The following TUSC3 variants were observed in gnomAD, a reference collection of about 807,000 sequenced individuals.
TUSC3 encodes tumor suppressor candidate 3.
TUSC3 carries 45 observed loss-of-function variants against 44.8 expected under a neutral mutation model. That is an observed-to-expected ratio of 1.00 (90% CI 0.79 to 1.29). The LOEUF is 1.29. Ranked by LOEUF, TUSC3 falls within the 50% of genes most tolerant of loss-of-function variation. TUSC3 has a pLI of 0.00. For missense variants in TUSC3, 519 were observed against 437.9 expected (o/e 1.19, Z -1.65); for synonymous variants, 212 against 152.9 (o/e 1.39, Z -2.85).
chr8:15,576,431 G>T, intron 1 of TUSC3, among the ~76,000 whole-genome samples: 1 of 147,258 alleles, frequency 6.8e-6, no homozygotes. Context: ...TCTAGCATTA[G>T]GTATATCTCC....
rs972563196 is a variant in TUSC3 at position 15,517,495 on chromosome 8, G to A, written n.189+34012G>A. 4.1e-5 allele frequency among the ~76,000 whole-genome samples: 5 copies of A among 121,646 alleles called. No homozygotes were observed. In the East Asian group the frequency reaches 8.6e-4, roughly 21 times the overall value. 79.8% of individuals were successfully genotyped at this position (121,646 alleles called of 152,430 possible). A position where few individuals can be genotyped will look rare whatever the true frequency, so the allele number is the denominator to read the frequency against. ...AATGACTGAAAATCTAAATGCTTGTGAGAGCTTCCTAACATTTAGCGTGAG... is the reference window on the plus strand; with the variant it reads ...AATGACTGAAAATCTAAATGCTTGTAAGAGCTTCCTAACATTTAGCGTGAG... On this transcript the variant is annotated intron_variant and non_coding_transcript_variant, in intron 2 of 5. Transcript: ENST00000503191.
the TUSC3 span, among the ~76,000 whole-genome samples, chr8:15,772,522 TAAA>T: frequency 2.0e-5 from 3 of 152,126 alleles, no homozygotes; most frequent in Non-Finnish European, 4.4e-5. Flanking sequence ...AACTGGTTAT[TAAA>T]AACCTCCCAA....
intron 2 of TUSC3, among the ~76,000 whole-genome samples, chr8:15,649,537 T>G (rs1306305713): frequency 1.3e-5 from 2 of 150,010 alleles, no homozygotes; most frequent in Admixed American, 6.7e-5. Flanking sequence ...TGAGCCGAGA[T>G]CGCGCCACTG....
chr8:15,534,701 A>G (rs1175257902), intron 2 of TUSC3, among the ~76,000 whole-genome samples: 1 of 152,108 alleles, frequency 6.6e-6, no homozygotes, highest in Non-Finnish European at 1.5e-5. Flanking sequence ...TAATTGAGCA[A>G]TGAACGATTC....
chr8:15,761,831 G>A lies in TUSC3; in HGVS notation c.*47-2372G>A, dbSNP rs561264393. Reference sequence around the variant, plus strand: ...AGGCATTTATACATTTTTGTGATAGGCATTATTAGAAAAAACAATATCCAG... The same window carrying A: ...AGGCATTTATACATTTTTGTGATAGACATTATTAGAAAAAACAATATCCAG... On this transcript the variant is annotated intron_variant, in intron 10 of 10. Transcript: ENST00000503731. Among the ~76,000 whole-genome samples, 13 of 152,132 alleles carry A rather than the reference G, an allele frequency of 8.5e-5. 1 individual carries two copies. In the South Asian group the frequency reaches 2.7e-3, roughly 32 times the overall value.
At chr8:15,531,834 T>C (rs1032766431) in intron 2 of TUSC3, among the ~76,000 whole-genome samples, 1 of 152,206 alleles carries the variant, frequency 6.6e-6, no homozygotes, top group Non-Finnish European at 1.5e-5. Flanking sequence ...TTCCTAGAGA[T>C]AATCTGGAAT....
At chr8:15,772,056 T>G in the TUSC3 span, among the ~76,000 whole-genome samples, 1 of 151,922 alleles carries the variant, frequency 6.6e-6, no homozygotes, top group Non-Finnish European at 1.5e-5. Flanking sequence ...GCCACTGCAC[T>G]CTAGCCTGGG....
chr8:15,717,060 T>C (rs950855877), intron 6 of TUSC3, among the ~76,000 whole-genome samples: 3 of 152,070 alleles, frequency 2.0e-5, no homozygotes, highest in African/African-American at 7.2e-5. Context: ...ACTAATATCA[T>C]TTTCCCTACA....
At chr8:15,756,857 A>G (rs1270887017) in intron 9 of TUSC3, among the ~76,000 whole-genome samples, 1 of 152,230 alleles carries the variant, frequency 6.6e-6, no homozygotes, top group Non-Finnish European at 1.5e-5. Flanking sequence ...AAAGCTAACT[A>G]TCATGGCTGG....
At chr8:15,652,592 CATA>C (rs1806962076) in intron 3 of TUSC3, among the ~76,000 whole-genome samples, 1 of 151,984 alleles carries the variant, frequency 6.6e-6, no homozygotes, top group Non-Finnish European at 1.5e-5. Flanking sequence ...ATAATAGTAT[CATA>C]ATAAAACATA....
chr8:15,763,809 C>G (rs1333995164), intron 10 of TUSC3, among the ~76,000 whole-genome samples: 2 of 151,942 alleles, frequency 1.3e-5, no homozygotes, highest in African/African-American at 4.8e-5. Context: ...TTAAATTATA[C>G]GGTTAGAGAA....
At chr8:15,726,701 G>A (rs1030673228) in intron 6 of TUSC3, among the ~76,000 whole-genome samples, 1 of 152,124 alleles carries the variant, frequency 6.6e-6, no homozygotes, top group Non-Finnish European at 1.5e-5. Context: ...AGCTACTCTC[G>A]AGGCTGAGGC....
intron 1 of TUSC3, among the ~76,000 whole-genome samples, chr8:15,620,235 G>A (rs1054005433): frequency 3.3e-5 from 5 of 152,234 alleles, no homozygotes; most frequent in East Asian, 3.9e-4. Context: ...TGCAGATAGC[G>A]TTAGACTTTC....
chr8:15,620,053 C>T (rs1008958182), intron 1 of TUSC3, among the ~76,000 whole-genome samples: 1 of 152,104 alleles, frequency 6.6e-6, no homozygotes, highest in Non-Finnish European at 1.5e-5. Context: ...CAGAGGGAGA[C>T]TGTGTCAGAA....
intron 8 of TUSC3, 27 bp from the exon 9 acceptor site, chr8:15,748,348 C>T (rs747095673): frequency 6.5e-7 from 1 of 1,534,432 alleles, no homozygotes; most frequent in South Asian, 1.1e-5. Flanking sequence ...TTTTTAGACA[C>T]TAATGGTATT....
chr8:15,836,661 TAATC>T, the TUSC3 span, among the ~76,000 whole-genome samples: 2 of 152,130 alleles, frequency 1.3e-5, no homozygotes, highest in Non-Finnish European at 2.9e-5. Flanking sequence ...TATTATATAT[TAATC>T]TATCTATCTT....
the TUSC3 span, among the ~76,000 whole-genome samples, chr8:15,833,678 G>C: frequency 9.4e-6 from 1 of 106,680 alleles, no homozygotes; most frequent in African/African-American, 2.7e-5. Flanking sequence ...GAGACACTAG[G>C]ACCTAACAAA....
At chr8:15,628,414 A>C (rs1188433640) in intron 2 of TUSC3, among the ~76,000 whole-genome samples, 3 of 152,180 alleles carry the variant, frequency 2.0e-5, no homozygotes. Context: ...CTAGCCTATA[A>C]CAACTTTTTT....
At chr8:15,527,108 T>C (rs1801383052) in intron 2 of TUSC3, among the ~76,000 whole-genome samples, 1 of 152,222 alleles carries the variant, frequency 6.6e-6, no homozygotes, top group Admixed American at 6.5e-5. Context: ...AATTTGCATA[T>C]TGGCGTGCAC....
Sources: allele counts gnomAD v4.1 joint callset (sites outside exome capture counted in the v4.1 genomes callset), GRCh38; gene constraint gnomAD v4.1.1; transcripts MANE v1.5; gene names NCBI Gene and HGNC (gene_info 2026-07-23, HGNC 2026-07-21).